Variants in ADGRL3 observed in about 807,000 individuals in gnomAD.
ADGRL3 encodes the protein adhesion G protein-coupled receptor L3.
A neutral mutation model predicts 153.5 loss-of-function variants in ADGRL3; 62 were observed. The ratio of observed to expected loss-of-function variants is 0.40; its 90% CI spans 0.33 to 0.50. ADGRL3 has a LOEUF of 0.50. Ranked by LOEUF, ADGRL3 falls within the 20% of genes least tolerant of loss-of-function variation. The pLI, the probability that ADGRL3 is intolerant of heterozygous loss-of-function variation, is 0.47. For missense variants in ADGRL3, 1,641 were observed against 1,859.4 expected (o/e 0.88, Z 2.16); for synonymous variants, 710 against 672.5 (o/e 1.06, Z -0.86).
At chr4:61,511,325 C>A (rs1487327458) in intron 3 of ADGRL3, among the ~76,000 whole-genome samples, 1 of 152,128 alleles carries the variant, frequency 6.6e-6, no homozygotes, top group African/African-American at 2.4e-5. Context: ...GCCGAGATCA[C>A]GTGCCACTGC....
chr4:61,350,010 G>T (rs1307754854), intron 1 of ADGRL3, among the ~76,000 whole-genome samples: 4 of 152,022 alleles, frequency 2.6e-5, no homozygotes, highest in African/African-American at 9.7e-5. Context: ...ACTATTTAAG[G>T]TTATCATCTG....
At chr4:61,718,586 A>T (rs2096174172) in intron 6 of ADGRL3, among the ~76,000 whole-genome samples, 1 of 152,206 alleles carries the variant, frequency 6.6e-6, no homozygotes, top group Admixed American at 6.5e-5. Context: ...CTTACAGTGA[A>T]TATAAACATA....
At chr4:61,522,700 A>G (rs1200891161) in intron 4 of ADGRL3, among the ~76,000 whole-genome samples, 2 of 152,100 alleles carry the variant, frequency 1.3e-5, no homozygotes, top group African/African-American at 4.8e-5. Flanking sequence ...CACAAAGGTA[A>G]ATGTAGGCTG....
chr4:61,620,049 A>G (rs575621368), intron 5 of ADGRL3, among the ~76,000 whole-genome samples: 2 of 150,306 alleles, frequency 1.3e-5, no homozygotes, highest in Admixed American at 6.6e-5. Context: ...ATACTTTTTC[A>G]TATCTTTAGA....
At chr4:61,837,370 G>A (rs908197415) in intron 9 of ADGRL3, among the ~76,000 whole-genome samples, 1 of 152,092 alleles carries the variant, frequency 6.6e-6, no homozygotes, top group Non-Finnish European at 1.5e-5. Flanking sequence ...CTACACAAAG[G>A]CAATTAGAAT....
At chr4:61,871,117 A>C (rs1207857982) in intron 9 of ADGRL3, among the ~76,000 whole-genome samples, 2 of 151,772 alleles carry the variant, frequency 1.3e-5, no homozygotes, top group Non-Finnish European at 2.9e-5. Flanking sequence ...TCTCTACTAA[A>C]AATACAAAAA....
intron 9 of ADGRL3, among the ~76,000 whole-genome samples, chr4:61,834,285 A>G (rs2148905217): frequency 6.6e-6 from 1 of 152,290 alleles, no homozygotes; most frequent in African/African-American, 2.4e-5. Context: ...TATAAAGGAC[A>G]TGAACTCGTC....
chr4:61,476,290 C>T (rs1485619336), intron 2 of ADGRL3, among the ~76,000 whole-genome samples: 3 of 151,180 alleles, frequency 2.0e-5, no homozygotes, highest in Admixed American at 1.3e-4. Flanking sequence ...AGCGGGTGGA[C>T]GATCTCGGCT....
chr4:61,974,147 T>C (rs2099039701), intron 17 of ADGRL3, among the ~76,000 whole-genome samples: 1 of 152,064 alleles, frequency 6.6e-6, no homozygotes, highest in South Asian at 2.1e-4. Flanking sequence ...TTGGTATTTC[T>C]TGTAGAGATG....
Position 61,936,065 on chromosome 4 carries a change from T to C in ADGRL3, c.2419+20T>C. The C allele has an allele frequency of 6.2e-7, 1 of 1,608,394 alleles. No homozygotes were observed. Among genetic ancestry groups the C allele is most frequent in the Non-Finnish European group, 8.5e-7 (1 of 1,177,174 alleles). ...GAAATGGTAGGTTAGAGTTTATTTT[T>C]TAAGCTTGAGGGAATTGAACTTGCA... On this transcript the variant is annotated intron_variant, in intron 15 of 26. Coordinates refer to ENST00000683033, the MANE Select transcript of ADGRL3 (RefSeq NM_001387552.1).
intron 1 of ADGRL3, among the ~76,000 whole-genome samples, chr4:61,288,004 T>A (rs2094010036): frequency 6.6e-6 from 1 of 151,896 alleles, no homozygotes; most frequent in Non-Finnish European, 1.5e-5. Context: ...GATCTTTTTA[T>A]TCATAATACT....
In ADGRL3 at chr4:61,786,029, A is replaced by G. The variant is rs151201372; in HGVS notation, c.1400-27780A>G. 4.5e-3 allele frequency among the ~76,000 whole-genome samples: 692 copies of G among 152,262 alleles called. 7 individuals carry two copies. The highest frequency in any genetic ancestry group is 0.015 in the African/African-American group (640 of 41,562). On this transcript the variant is annotated intron_variant, in intron 8 of 26. Transcript: ENST00000683033. ...TGGCAGTGTAGTGTTATATAATTAG[A>G]CAATAGAGATTTTTTTATGTGCTTA...
At chr4:62,056,311 C>T (rs975412865) in intron 25 of ADGRL3, among the ~76,000 whole-genome samples, 3 of 151,362 alleles carry the variant, frequency 2.0e-5, no homozygotes, top group Non-Finnish European at 4.4e-5. Flanking sequence ...TTATTTTTTT[C>T]AGTTTTCTTG....
chr4:61,732,917 A>G lies in ADGRL3; in HGVS notation c.762A>G (p.Ser254=), dbSNP rs2096463472. ...GAACTGATACCCTGACTGAGTATTC[A>G]TCCAAGGATGACTTCATTGCTGGAA... ...PYRTDTLTEY[S]SKDDFIAGRP... is the part of the protein sequence containing the mutation. Residue 254 remains serine, a synonymous_variant, in exon 8 of 27, where the codon TCA becomes TCG. Transcript: ENST00000683033. The G allele has an allele frequency of 6.2e-7, 1 of 1,613,582 alleles. No individual in the cohort carries two copies. The highest frequency in any genetic ancestry group is 1.7e-5 in the Admixed American group (1 of 59,916).
intron 11 of ADGRL3, among the ~76,000 whole-genome samples, chr4:61,907,550 C>T (rs1213152241): frequency 6.6e-6 from 1 of 151,584 alleles, no homozygotes; most frequent in East Asian, 1.9e-4. Flanking sequence ...AGCCACCGTG[C>T]CCAGCCCAGT....
chr4:61,280,333 T>G (rs1421621796), intron 1 of ADGRL3, among the ~76,000 whole-genome samples: 1 of 151,964 alleles, frequency 6.6e-6, no homozygotes, highest in Non-Finnish European at 1.5e-5. Context: ...GGTCTCGATC[T>G]CCTGACCTCA....
intron 22 of ADGRL3, among the ~76,000 whole-genome samples, chr4:62,030,242 G>GAT (rs1456834663): frequency 2.0e-5 from 3 of 151,560 alleles, no homozygotes; most frequent in African/African-American, 4.8e-5. Context: ...TTCAGATTAT[G>GAT]ATAAACATAT....
chr4:61,347,979 C>T (rs1374644108), intron 1 of ADGRL3, among the ~76,000 whole-genome samples: 1 of 152,016 alleles, frequency 6.6e-6, no homozygotes, highest in Admixed American at 6.6e-5. Context: ...CCTAGTGAAT[C>T]ATTTCTTGTT....
chr4:61,375,323 G>A (rs1031881041), intron 1 of ADGRL3, among the ~76,000 whole-genome samples: 2 of 152,100 alleles, frequency 1.3e-5, no homozygotes, highest in Non-Finnish European at 2.9e-5. Flanking sequence ...AAACTGGAGG[G>A]TTAAAGACAG....
Sources: allele counts gnomAD v4.1 joint callset (sites outside exome capture counted in the v4.1 genomes callset), GRCh38; gene constraint gnomAD v4.1.1; transcripts MANE v1.5; gene names NCBI Gene and HGNC (gene_info 2026-07-23, HGNC 2026-07-21).